Variants in ATG4C observed in about 807,000 individuals in gnomAD.
ATG4C encodes autophagy related 4C cysteine peptidase.
Under a neutral mutation model 57.6 loss-of-function variants are expected in ATG4C, and 56 were observed. The ratio of observed to expected loss-of-function variants is 0.97; its 90% CI spans 0.78 to 1.21. The LOEUF (loss-of-function observed/expected upper bound fraction) is 1.21. Ranked by LOEUF, ATG4C falls within the 50% of genes most tolerant of loss-of-function variation. The pLI is 0.00. For missense variants in ATG4C, 595 were observed against 529.8 expected, an observed-to-expected ratio of 1.12 and a Z score of -1.21; for synonymous variants, 157 against 174.1, an observed-to-expected ratio of 0.90 and a Z score of 0.78.
chr1:62,823,075 G>A (rs1351300803), intron 6 of ATG4C, among the ~76,000 whole-genome samples: 1 of 152,122 alleles, frequency 6.6e-6, no homozygotes, highest in Non-Finnish European at 1.5e-5. Context: ...AGGATCACTT[G>A]AGCCCTGAAG....
chr1:62,795,980 G>C (rs1274190475), intron 1 of ATG4C, among the ~76,000 whole-genome samples: 1 of 152,060 alleles, frequency 6.6e-6, no homozygotes, highest in Non-Finnish European at 1.5e-5. Context: ...ACACCACATA[G>C]AATAAACAGG....
At chr1:62,838,049 T>C (rs1666049963) in intron 9 of ATG4C, among the ~76,000 whole-genome samples, 2 of 152,232 alleles carry the variant, frequency 1.3e-5, no homozygotes, top group African/African-American at 4.8e-5. Flanking sequence ...GCTGTACCTA[T>C]AAGCATATGT....
chr1:62,795,923 A>G (rs542594604), intron 1 of ATG4C, among the ~76,000 whole-genome samples: 1 of 150,886 alleles, frequency 6.6e-6, no homozygotes, highest in Non-Finnish European at 1.5e-5. Flanking sequence ...TAGTTTGGAA[A>G]TTGTGAAGTA....
At chr1:62,835,184 TAA>T (rs59745958) in intron 9 of ATG4C, among the ~76,000 whole-genome samples, 14 of 135,464 alleles carry the variant, frequency 1.0e-4, no homozygotes, top group South Asian at 2.3e-4. Context: ...AAGGCCTGTT[TAA>T]AAAAAAAAAA....
intron 3 of ATG4C, among the ~76,000 whole-genome samples, chr1:62,814,536 A>G (rs1665199105): frequency 6.6e-6 from 1 of 152,206 alleles, no homozygotes; most frequent in Non-Finnish European, 1.5e-5. Flanking sequence ...TGGCATGTGT[A>G]TACCTATGTA....
chr1:62,861,410 T>C (rs1666848812), intron 10 of ATG4C, among the ~76,000 whole-genome samples: 1 of 151,998 alleles, frequency 6.6e-6, no homozygotes, highest in African/African-American at 2.4e-5. Flanking sequence ...CCAGGTATGG[T>C]GGCACATACC....
chr1:62,809,829 T>A (rs905062798), intron 3 of ATG4C, among the ~76,000 whole-genome samples: 1 of 151,864 alleles, frequency 6.6e-6, no homozygotes, highest in African/African-American at 2.4e-5. Context: ...ATGCATATCC[T>A]GGTAATGAAG....
Position 62,803,804 on chromosome 1 carries a change from A to G in ATG4C, c.18A>G (p.Thr6=). ...ATTTGAATATGGAGGCTACAGGAACAGATGAAGTTGACAAGCTAAAAACCA... is the reference window on the plus strand; with the variant it reads ...ATTTGAATATGGAGGCTACAGGAACGGATGAAGTTGACAAGCTAAAAACCA... The part of the protein sequence containing the change: MEATG[T]DEVDKLKTKF... The change falls in exon 2 of 11, where the codon ACA becomes ACG. Residue 6 remains threonine, a synonymous_variant. Coordinates refer to ENST00000317868, the MANE Select transcript of ATG4C (RefSeq NM_032852.4). 2.5e-6 allele frequency: 4 copies of G among 1,607,436 alleles called. No individual in the cohort carries two copies. The highest frequency in any genetic ancestry group is 1.7e-5 in the Admixed American group (1 of 59,264).
chr1:62,833,327 CT>C (rs2100336452), intron 7 of ATG4C, among the ~76,000 whole-genome samples: 1 of 152,186 alleles, frequency 6.6e-6, no homozygotes, highest in Non-Finnish European at 1.5e-5. Flanking sequence ...ACATTTTAAA[CT>C]TACTCAATTG....
chr1:62,805,599 A>T (rs1487065549), intron 3 of ATG4C, among the ~76,000 whole-genome samples: 1 of 152,158 alleles, frequency 6.6e-6, no homozygotes, highest in Non-Finnish European at 1.5e-5. Context: ...ATTCTTAAGG[A>T]TGTTTCAGTA....
chr1:62,846,861 C>T (rs990666116), intron 10 of ATG4C, among the ~76,000 whole-genome samples: 2 of 152,078 alleles, frequency 1.3e-5, no homozygotes, highest in African/African-American at 4.8e-5. Context: ...AATTCAGCAG[C>T]CCTGGTAATT....
chr1:62,801,333 T>G (rs1205191318), intron 1 of ATG4C, among the ~76,000 whole-genome samples: 1 of 152,198 alleles, frequency 6.6e-6, no homozygotes, highest in African/African-American at 2.4e-5. Context: ...GAGCTCCAGA[T>G]CTATATATCC....
chr1:62,785,383 T>G (rs1020527890), intron 1 of ATG4C: 1 of 152,224 alleles, frequency 6.6e-6, no homozygotes, highest in Non-Finnish European at 1.5e-5. Context: ...CTATAAAATT[T>G]TTAGAACCAC....
chr1:62,831,606 T>A (rs1291840605), intron 7 of ATG4C, among the ~76,000 whole-genome samples: 1 of 150,672 alleles, frequency 6.6e-6, no homozygotes, highest in Non-Finnish European at 1.5e-5. Context: ...ATGTTCTTTT[T>A]CTTCAGTGAG....
Position 62,803,869 on chromosome 1 carries a change from A to ATT in ATG4C, c.76+8_76+9insTT. ...TGGAACAACATGAAATATAGTAAGT[A>ATT]TCATGTTTTAAAAATTGTATAAATC... On this transcript the variant is annotated splice_region_variant and intron_variant, in intron 2 of 10. Coordinates refer to ENST00000317868, the MANE Select transcript of ATG4C (RefSeq NM_032852.4). The ATT allele has an allele frequency of 6.6e-7, 1 of 1,510,466 alleles. No individual in the cohort carries two copies. The highest frequency in any genetic ancestry group is 9.1e-7 in the Non-Finnish European group (1 of 1,102,492). 93.6% of individuals were successfully genotyped at this position (1,510,466 alleles called of 1,614,324 possible).
At chr1:62,821,999 A>G (rs1665498219) in intron 6 of ATG4C, among the ~76,000 whole-genome samples, 1 of 152,252 alleles carries the variant, frequency 6.6e-6, no homozygotes, top group African/African-American at 2.4e-5. Flanking sequence ...TAGATTTTGG[A>G]TTAGGAATGC....
Position 62,826,656 on chromosome 1 carries a change from A to G in ATG4C, c.797-2384A>G, listed in dbSNP as rs554333058. On this transcript the variant is annotated intron_variant, in intron 6 of 10. Transcript: ENST00000317868. ...TGTACGCAACGTGCAGGTTTGTTAC[A>G]TATGTATATATGTGTCATGTTGGTG... Among the ~76,000 whole-genome samples the G allele has an allele frequency of 4.7e-5, 7 of 150,162 alleles. No homozygotes were observed. The South Asian group carries it at 8.4e-4, about 18-fold the overall frequency.
chr1:62,828,761 C>T (rs924298292), intron 6 of ATG4C, among the ~76,000 whole-genome samples: 1 of 152,016 alleles, frequency 6.6e-6, no homozygotes, highest in Non-Finnish European at 1.5e-5. Flanking sequence ...CCTAGGTTGT[C>T]TTCTAGGGTT....
At chr1:62,784,900 A>G (rs1180991184) in intron 1 of ATG4C, among the ~76,000 whole-genome samples, 4 of 152,160 alleles carry the variant, frequency 2.6e-5, no homozygotes, top group Admixed American at 2.6e-4. Flanking sequence ...TATGATGACT[A>G]TATTCATATA....
Sources: gnomAD v4.1 joint callset for allele counts (sites outside exome capture counted in the v4.1 genomes callset) on GRCh38, gnomAD v4.1.1 for gene constraint, MANE v1.5 for transcripts, NCBI Gene and HGNC (gene_info 2026-07-23, HGNC 2026-07-21) for gene names.